Variants in RGS6 observed in about 807,000 individuals in gnomAD.
The protein encoded by RGS6 is regulator of G protein signaling 6.
In RGS6, 30 loss-of-function variants were observed where a neutral mutation model predicts 78.5. The observed-to-expected ratio is 0.38, with a 90% CI of 0.29 to 0.52. The LOEUF is 0.52. Ranked by LOEUF, RGS6 falls within the 20% of genes least tolerant of loss-of-function variation. The pLI, the probability that RGS6 is intolerant of heterozygous loss-of-function variation, is 0.85. For synonymous variants in RGS6, 206 were observed against 206.0 expected (o/e 1.00, Z 0.00); for missense variants, 495 against 609.7 (o/e 0.81, Z 1.98).
chr14:72,333,390 T>A (rs1201361655), intron 2 of RGS6, among the ~76,000 whole-genome samples: 1 of 152,092 alleles, frequency 6.6e-6, no homozygotes, highest in East Asian at 1.9e-4. Context: ...ATGAGGGAAG[T>A]GGGGGACCTG....
intron 2 of RGS6, among the ~76,000 whole-genome samples, chr14:72,101,697 A>G (rs1198167189): frequency 6.6e-6 from 1 of 152,196 alleles, no homozygotes; most frequent in Non-Finnish European, 1.5e-5. Flanking sequence ...TCTGTTCCCA[A>G]GTACCTTCTC....
chr14:72,251,040 C>T (rs2055625681), intron 2 of RGS6, among the ~76,000 whole-genome samples: 1 of 152,074 alleles, frequency 6.6e-6, no homozygotes, highest in South Asian at 2.1e-4. Flanking sequence ...TGTAGAGGAG[C>T]CAGAGATGGT....
intron 2 of RGS6, among the ~76,000 whole-genome samples, chr14:72,084,376 G>T (rs1270407081): frequency 2.6e-5 from 4 of 152,188 alleles, no homozygotes; most frequent in African/African-American, 9.7e-5. Context: ...GCCACAGACT[G>T]GTAGCAGTAC....
At chr14:72,068,886 A>G (rs996039360) in intron 2 of RGS6, among the ~76,000 whole-genome samples, 76 of 152,160 alleles carry the variant, frequency 5.0e-4, no homozygotes, top group Admixed American at 4.8e-3. Context: ...CATTTAGTCT[A>G]TTTATTTACA....
chr14:72,297,927 G>GT (rs149641735), intron 2 of RGS6, among the ~76,000 whole-genome samples: 28 of 150,230 alleles, frequency 1.9e-4, no homozygotes, highest in South Asian at 2.1e-4. Context: ...TATGTAGAAG[G>GT]TTTTTTTTTG....
At chr14:72,122,335 A>T (rs1223438463) in intron 2 of RGS6, among the ~76,000 whole-genome samples, 2 of 152,270 alleles carry the variant, frequency 1.3e-5, no homozygotes, top group East Asian at 3.9e-4. Flanking sequence ...ACCTCATCTA[A>T]TCATCAGTAG....
intron 2 of RGS6, among the ~76,000 whole-genome samples, chr14:72,209,128 A>G (rs558155154): frequency 1.3e-5 from 2 of 152,048 alleles, no homozygotes; most frequent in Non-Finnish European, 2.9e-5. Context: ...GTGGTCCCAG[A>G]TACTTGGGAG....
At chr14:72,002,398 T>C (rs114666046) in intron 2 of RGS6, among the ~76,000 whole-genome samples, 421 of 152,264 alleles carry the variant, frequency 2.8e-3, no homozygotes, top group African/African-American at 9.0e-3. Context: ...GACATTAGTG[T>C]TTTCTTTAAT....
intron 7 of RGS6, among the ~76,000 whole-genome samples, chr14:72,469,037 C>G (rs879494138): frequency 3.9e-5 from 6 of 152,066 alleles, no homozygotes; most frequent in African/African-American, 7.2e-5. Context: ...CATTAGGGCG[C>G]CTGTCAAACT....
intron 3 of RGS6, among the ~76,000 whole-genome samples, chr14:72,420,594 T>C (rs570196837): frequency 7.0e-4 from 107 of 152,080 alleles, no homozygotes; most frequent in African/African-American, 2.4e-3. Flanking sequence ...TTTTTCCCTT[T>C]TATCTTTTGG....
At chr14:72,222,573 G>A (rs1262771035) in intron 2 of RGS6, among the ~76,000 whole-genome samples, 2 of 152,202 alleles carry the variant, frequency 1.3e-5, no homozygotes, top group African/African-American at 2.4e-5. Flanking sequence ...TGTGGCAGAT[G>A]TAACTAGAAT....
intron 2 of RGS6, among the ~76,000 whole-genome samples, chr14:72,078,588 A>AT (rs1305629024): frequency 4.0e-5 from 6 of 151,540 alleles, no homozygotes; most frequent in South Asian, 2.1e-4. Context: ...TAATTTTTGT[A>AT]TTTTTTTAGT....
chr14:72,336,537 G>A (rs948557578), intron 2 of RGS6, among the ~76,000 whole-genome samples: 1 of 150,728 alleles, frequency 6.6e-6, no homozygotes, highest in Non-Finnish European at 1.5e-5. Flanking sequence ...GAGAGAGAGC[G>A]CGCATAGGGA....
intron 2 of RGS6, among the ~76,000 whole-genome samples, chr14:72,188,029 C>CTT (rs557931927): frequency 6.8e-6 from 1 of 147,238 alleles, no homozygotes; most frequent in African/African-American, 2.5e-5. Context: ...CATTTTTCTG[C>CTT]TTTTTTTTTT....
At chr14:72,084,384 T>C (rs2094941837) in intron 2 of RGS6, among the ~76,000 whole-genome samples, 1 of 152,180 alleles carries the variant, frequency 6.6e-6, no homozygotes, top group Admixed American at 6.5e-5. Flanking sequence ...CTGGTAGCAG[T>C]ACATGACCTG....
chr14:71,937,665 C>T (rs1028760101), intron 1 of RGS6, among the ~76,000 whole-genome samples: 4 of 152,176 alleles, frequency 2.6e-5, no homozygotes, highest in African/African-American at 9.7e-5. Flanking sequence ...AAGTGAGTGC[C>T]TTGGTCAGAG....
intron 2 of RGS6, among the ~76,000 whole-genome samples, chr14:72,268,234 T>C (rs1267998266): frequency 6.6e-6 from 1 of 152,190 alleles, no homozygotes; most frequent in Non-Finnish European, 1.5e-5. Flanking sequence ...GGGTCCCTCA[T>C]GAGGCCCTCT....
chr14:72,550,205 T>G (rs766708341), intron 17 of RGS6, among the ~76,000 whole-genome samples: 7 of 152,238 alleles, frequency 4.6e-5, no homozygotes, highest in Non-Finnish European at 8.8e-5. Context: ...AGCAAAGTTT[T>G]AATAAGACAC....
intron 2 of RGS6, among the ~76,000 whole-genome samples, chr14:72,212,032 G>C (rs1235968566): frequency 1.3e-5 from 2 of 152,222 alleles, no homozygotes; most frequent in South Asian, 4.1e-4. Flanking sequence ...ATTGAAAGCT[G>C]TCACCAAAGA....
Sources: allele counts gnomAD v4.1 joint callset (sites outside exome capture counted in the v4.1 genomes callset), GRCh38; gene constraint gnomAD v4.1.1; transcripts MANE v1.5; gene names NCBI Gene and HGNC (gene_info 2026-07-23, HGNC 2026-07-21).